MED12L: variants seen among roughly 807,000 people sequenced by gnomAD.
MED12L encodes the protein mediator complex subunit 12L.
MED12L carries 60 observed loss-of-function variants against 281.3 expected under a neutral mutation model. That is an observed-to-expected ratio of 0.21 (90% CI 0.17 to 0.26). The LOEUF (loss-of-function observed/expected upper bound fraction) is 0.26. MED12L is among the 10% of genes least tolerant of loss of function. The pLI, the probability that MED12L is intolerant of heterozygous loss-of-function variation, is 1.00. For synonymous variants in MED12L, 974 were observed against 987.2 expected (o/e 0.99, Z 0.25); for missense variants, 2,146 against 2,680.9 (o/e 0.80, Z 4.41).
chr3:151,245,511 A>G (rs1485896294), intron 16 of MED12L, among the ~76,000 whole-genome samples: 1 of 146,222 alleles, frequency 6.8e-6, no homozygotes, highest in Non-Finnish European at 1.5e-5. Context: ...AGAGCCAAAG[A>G]CAAAAACCAC....
At chr3:151,281,450 CTT>C (rs1742799830) in intron 16 of MED12L, among the ~76,000 whole-genome samples, 1 of 151,780 alleles carries the variant, frequency 6.6e-6, no homozygotes, top group Admixed American at 6.6e-5. Flanking sequence ...TTTATTATGA[CTT>C]TTAGCAACGT....
In MED12L at chr3:151,269,192, G is replaced by C. The variant is rs145081578; in HGVS notation, c.2250+75526G>C. 3.0e-3 allele frequency among the ~76,000 whole-genome samples: 462 copies of C among 152,282 alleles called. 3 individuals are homozygous for C. Among genetic ancestry groups the C allele is most frequent in the African/African-American group, 0.011 (442 of 41,542 alleles). On this transcript the variant is annotated intron_variant, in intron 16 of 44. Transcript: ENST00000687756. ...AAGGTGGGTGGATCACCTGAGGTCG[G>C]GAGTTCGAGACCAGCCTGACCAACA...
chr3:151,274,675 G>A (rs766751240), intron 16 of MED12L, among the ~76,000 whole-genome samples: 9 of 152,266 alleles, frequency 5.9e-5, no homozygotes, highest in South Asian at 2.1e-4. Flanking sequence ...GATTAGAATC[G>A]TCTCCAAATC....
intron 16 of MED12L, chr3:151,212,150 C>T (rs1005609597): frequency 6.6e-6 from 1 of 152,010 alleles, no homozygotes; most frequent in African/African-American, 2.4e-5. Context: ...AGTATATAGA[C>T]AGTAAAGCAT....
At chr3:151,413,353 A>G (rs1717169705) in intron 42 of MED12L, 58 bp downstream of exon 42, 1 of 1,536,092 alleles carries the variant, frequency 6.5e-7, no homozygotes, top group Non-Finnish European at 8.8e-7. Context: ...CAAATATGCA[A>G]CAGTCATAAA....
At chr3:151,415,011 T>G (rs1717384311) in intron 42 of MED12L, among the ~76,000 whole-genome samples, 1 of 152,240 alleles carries the variant, frequency 6.6e-6, no homozygotes, top group Admixed American at 6.5e-5. Context: ...GAGGCTATGT[T>G]TCAGAATTTT....
chr3:151,174,904 CTGG>C (rs59651265), intron 11 of MED12L, among the ~76,000 whole-genome samples: 12,781 of 151,898 alleles, frequency 0.084, 1,214 homozygotes, highest in African/African-American at 0.23. Context: ...ATTCCTCAGG[CTGG>C]TGGTCTTGAA....
intron 14 of MED12L, 43 bp downstream of exon 14, chr3:151,190,974 C>T (rs1723900582): frequency 6.4e-7 from 1 of 1,552,856 alleles, no homozygotes; most frequent in Non-Finnish European, 8.9e-7. Flanking sequence ...AGAAACTAAA[C>T]TCTACTGGGA....
Position 151,165,464 on chromosome 3 carries a change from A to G in MED12L, c.1302A>G (p.Arg434=). ...IYEVEQQIKQ[R]GRAVEVRWSF... Reference sequence around the variant, plus strand: ...AAGTAGAACAACAGATAAAACAAAGAGGCCGTGCAGTGGAAGTTCGGTGGT... The same window carrying G: ...AAGTAGAACAACAGATAAAACAAAGGGGCCGTGCAGTGGAAGTTCGGTGGT... Residue 434 remains arginine, a synonymous_variant, in exon 10 of 45, where the codon AGA becomes AGG. Transcript: ENST00000687756. 6.2e-7 allele frequency: 1 copy of G among 1,614,110 alleles called. No homozygotes were observed. Among genetic ancestry groups the G allele is most frequent in the South Asian group, 1.1e-5 (1 of 91,082 alleles).
At chr3:151,140,229 A>C (rs1487567220) in intron 5 of MED12L, among the ~76,000 whole-genome samples, 1 of 152,180 alleles carries the variant, frequency 6.6e-6, no homozygotes, top group Non-Finnish European at 1.5e-5. Flanking sequence ...GAATATGCAA[A>C]TTTTCCCTAT....
chr3:151,297,241 G>T (rs1416363490), intron 16 of MED12L, among the ~76,000 whole-genome samples: 1 of 152,150 alleles, frequency 6.6e-6, no homozygotes, highest in Non-Finnish European at 1.5e-5. Context: ...AGCCTATTTT[G>T]ATTTAATGAC....
intron 16 of MED12L, chr3:151,278,416 G>C (rs541700301): frequency 2.6e-5 from 4 of 152,182 alleles, no homozygotes; most frequent in Admixed American, 6.5e-5. Context: ...TCAGGAACTT[G>C]ACAGAAACCA....
chr3:151,384,577 C>T (rs369992003), intron 35 of MED12L: 122 of 190,120 alleles, frequency 6.4e-4, no homozygotes, highest in Non-Finnish European at 9.9e-4. Flanking sequence ...ATTTATAAAT[C>T]GATTCATTTG....
At chr3:151,263,330 T>C (rs1169929315) in intron 16 of MED12L, among the ~76,000 whole-genome samples, 1 of 152,214 alleles carries the variant, frequency 6.6e-6, no homozygotes, top group Non-Finnish European at 1.5e-5. Flanking sequence ...AGCATCTGTT[T>C]CATTTTAAAC....
chr3:151,390,072 T>C lies in MED12L; in HGVS notation c.5545T>C (p.Tyr1849His). The change falls in exon 38 of 45, where the codon TAC (tyrosine) becomes CAC (histidine). Residue 1849 changes from tyrosine (Y) to histidine (H), a missense_variant. Physicochemically the swap from Tyr to His is moderately conservative, Grantham distance 83. This residue lies in a region of MED12L where 496 missense variants were observed against 512.0 expected (regional missense o/e 0.97). Coordinates refer to ENST00000687756, the MANE Select transcript of MED12L (RefSeq NM_001393769.1). The part of the protein sequence containing the change: ...MHHPQSTLWG[Y>H]NLVGQPQQPG... ...CCATCCACAGTCCACCTTGTGGGGT[T>C]ACAACCTCGTGGGCCAGCCCCAGCA... 2 of 1,614,152 alleles carry C rather than the reference T, an allele frequency of 1.2e-6. No homozygotes were observed. The highest frequency in any genetic ancestry group is 2.2e-5 in the South Asian group (2 of 91,084).
intron 5 of MED12L, among the ~76,000 whole-genome samples, chr3:151,129,913 C>T (rs368412392): frequency 4.6e-5 from 7 of 152,104 alleles, no homozygotes; most frequent in South Asian, 2.1e-4. Context: ...GGACTATAGG[C>T]GTGTGTCACC....
At chr3:151,199,012 T>C (rs1223064534) in intron 16 of MED12L, 1 of 1,614,030 alleles carries the variant, frequency 6.2e-7, no homozygotes, top group Non-Finnish European at 8.5e-7. Context: ...CGGGTTCTTG[T>C]ATTCGGTAGA....
At chr3:151,415,418 CTTGCG>C (rs779589932) in intron 42 of MED12L, among the ~76,000 whole-genome samples, 2 of 152,232 alleles carry the variant, frequency 1.3e-5, no homozygotes, top group Non-Finnish European at 2.9e-5. Flanking sequence ...TTGGGTCCAA[CTTGCG>C]TTGTTCTTGT....
chr3:151,282,601 C>T (rs902475841), intron 16 of MED12L, among the ~76,000 whole-genome samples: 2 of 152,166 alleles, frequency 1.3e-5, no homozygotes, highest in African/African-American at 4.8e-5. Flanking sequence ...TCTGAAGGAA[C>T]TAGCATCCAA....
Sources: allele counts gnomAD v4.1 joint callset (sites outside exome capture counted in the v4.1 genomes callset), GRCh38; gene constraint gnomAD v4.1.1; regional missense constraint gnomAD v4.1.1; transcripts MANE v1.5; gene names NCBI Gene and HGNC (gene_info 2026-07-23, HGNC 2026-07-21).